Variants in GPR142 observed in about 807,000 individuals in gnomAD.
GPR142 encodes the protein G protein-coupled receptor 142.
A neutral mutation model predicts 10.6 loss-of-function variants in GPR142; 9 were observed. The observed-to-expected ratio is 0.85, with a 90% CI of 0.51 to 1.48. The LOEUF (loss-of-function observed/expected upper bound fraction) is 1.48, where lower values mean the gene tolerates loss of function less well. Ranked by LOEUF, GPR142 falls within the 40% of genes most tolerant of loss-of-function variation. The pLI is 0.00. For missense variants in GPR142, 482 were observed against 506.0 expected (o/e 0.95, Z 0.45); for synonymous variants, 202 against 221.2 (o/e 0.91, Z 0.77).
chr17:74,372,445 G>T lies in GPR142; in HGVS notation c.970G>T (p.Gly324Cys), dbSNP rs149095547. Residue 324 changes from glycine (G) to cysteine (C), a missense_variant, in exon 4 of 4, where the codon GGC becomes TGC. Gly to Cys is a radical substitution (Grantham distance 159). Transcript: ENST00000582579. ...CATGCTCCACACGGCAGCCAACTTCGGCCTCTACTGCTTTGTCAGCAAGAC... is the reference window on the plus strand; with the variant it reads ...CATGCTCCACACGGCAGCCAACTTCTGCCTCTACTGCTTTGTCAGCAAGAC... ...VAMLHTAANF[G>C]LYCFVSKTFR... 88 of 1,613,884 alleles carry T rather than the reference G, an allele frequency of 5.5e-5. No homozygotes were observed. In the African/African-American group the frequency reaches 1.0e-3, roughly 19 times the overall value.
Position 74,367,805 on chromosome 17 carries a change from G to A in GPR142, c.-74+11G>A. On this transcript the variant is annotated intron_variant, in intron 1 of 3. Coordinates refer to ENST00000582579, the MANE Select transcript of GPR142 (RefSeq NM_001331076.1). ...CTATGGGGTGGGATGGTAAGTTGCT[G>A]GAAGGACGTGCATGGGGCATCATTG... is the stretch of plus-strand genomic sequence containing the variant. 6.3e-7 allele frequency: 1 copy of A among 1,585,346 alleles called. No individual in the cohort carries two copies. Among genetic ancestry groups the A allele is most frequent in the Non-Finnish European group, 8.6e-7 (1 of 1,164,922 alleles).
chr17:74,372,515 C>T lies in GPR142; in HGVS notation c.1040C>T (p.Pro347Leu). 6.2e-7 allele frequency: 1 copy of T among 1,613,448 alleles called. No individual in the cohort carries two copies. The highest frequency in any genetic ancestry group is 8.5e-7 in the Non-Finnish European group (1 of 1,180,050). The change falls in exon 4 of 4, where the codon CCC becomes CTC. Residue 347 changes from proline (P) to leucine (L), a missense_variant. Physicochemically the swap from Pro to Leu is moderately conservative, Grantham distance 98. Coordinates refer to ENST00000582579, the MANE Select transcript of GPR142 (RefSeq NM_001331076.1). ...CAGGTCATCCACGATGCCTACCTGCCCTGCACTTTGGCATCACAGCCAGAG... is the reference window on the plus strand; with the variant it reads ...CAGGTCATCCACGATGCCTACCTGCTCTGCACTTTGGCATCACAGCCAGAG... Reference protein sequence around the residue: ...VRQVIHDAYLPCTLASQPEGM... With the variant: ...VRQVIHDAYLLCTLASQPEGM...
intron 3 of GPR142, 76 bp from the exon 4 acceptor site, chr17:74,371,653 G>C: frequency 3.5e-6 from 5 of 1,418,596 alleles, no homozygotes; most frequent in Non-Finnish European, 4.8e-6. Flanking sequence ...GGGGAGGTGC[G>C]ATGGCGACAC....
In GPR142 at chr17:74,369,558, C is replaced by T. The variant is rs549508481; in HGVS notation, c.18C>T (p.Cys6=). The T allele has an allele frequency of 3.0e-5, 47 of 1,553,420 alleles. No homozygotes were observed. In the Middle Eastern group the frequency reaches 8.3e-4, roughly 28 times the overall value. Residue 6 remains cysteine (C), a synonymous_variant, in exon 2 of 4, where the codon TGC becomes TGT. Coordinates refer to ENST00000582579, the MANE Select transcript of GPR142 (RefSeq NM_001331076.1). MLTGS[C]GDPQKKPQVT... is the part of the protein sequence containing the mutation. Reference sequence around the variant, plus strand: ...AGCTGGCGATGCTGACAGGGAGCTGCGGGGACCCTCAGAAAAAGCCACAGG... The same window carrying T: ...AGCTGGCGATGCTGACAGGGAGCTGTGGGGACCCTCAGAAAAAGCCACAGG...
Position 74,370,657 on chromosome 17 carries a change from C to G in GPR142, c.231C>G (p.Val77=). The G allele has an allele frequency of 6.2e-7, 1 of 1,613,422 alleles. No individual in the cohort carries two copies. The part of the protein sequence containing the change: ...AGVIPVIYYS[V]LLGLGLPVSL... ...TCATCCCTGTCATCTACTACAGTGT[C>G]CTGCTGGGCTTGGGGCTGCCTGGTG... Residue 77 remains valine, a synonymous_variant, in exon 3 of 4, where the codon GTC becomes GTG. Transcript: ENST00000582579.
In GPR142 at chr17:74,368,003, T is replaced by G. The variant is rs71375225; in HGVS notation, c.-74+209T>G. 1.3e-5 allele frequency among the ~76,000 whole-genome samples: 2 copies of G among 152,134 alleles called. 1 individual carries two copies. The highest frequency in any genetic ancestry group is 6.3e-3 in the Middle Eastern group (2 of 316). On this transcript the variant is annotated intron_variant, in intron 1 of 3. Transcript: ENST00000582579. ...ATCCCTCAAAGAAACAAAGTGGGCT[T>G]GGCATGGTGACTCACACCTGTAATC...
intron 1 of GPR142, 134 bp from the exon 2 acceptor site, chr17:74,369,334 G>C: frequency 1.4e-6 from 1 of 709,624 alleles, no homozygotes; most frequent in Non-Finnish European, 2.3e-6. Context: ...TGCCCAGCCC[G>C]ACCCCTTCCC....
chr17:74,371,826 C>T lies in GPR142; in HGVS notation c.351C>T (p.Ile117=). 6.2e-7 allele frequency: 1 copy of T among 1,613,780 alleles called. No homozygotes were observed. The highest frequency in any genetic ancestry group is 8.5e-7 in the Non-Finnish European group (1 of 1,180,026). ...TGGCGCTCACAGCCTCGGATATCATCATCCAGGTGGTCATCGTGTTCGCGG... is the reference window on the plus strand; with the variant it reads ...TGGCGCTCACAGCCTCGGATATCATTATCCAGGTGGTCATCGTGTTCGCGG... The part of the protein sequence containing the change: ...YLLALTASDI[I]IQVVIVFAGF... Residue 117 remains isoleucine, a synonymous_variant, in exon 4 of 4, where the codon ATC becomes ATT. Transcript: ENST00000582579.
intron 2 of GPR142, among the ~76,000 whole-genome samples, 184 bp from the exon 3 acceptor site, chr17:74,370,337 G>T (rs1464200660): frequency 6.6e-6 from 1 of 152,140 alleles, no homozygotes; most frequent in Non-Finnish European, 1.5e-5. Context: ...GGGTGACATG[G>T]GGTGGGGGTG....
In GPR142 at chr17:74,369,514, G is replaced by A. The variant is rs200474582; in HGVS notation, c.-27G>A. 37 of 1,559,272 alleles carry A rather than the reference G, an allele frequency of 2.4e-5. No homozygotes were observed. The African/African-American group carries it at 4.6e-4, about 19-fold the overall frequency. ...CCTGGGGCAAACAACCACTTGGAGA[G>A]CCAAGGGGTGAGAGGTACAGCTGGC... On this transcript the variant is annotated 5_prime_UTR_variant, in exon 2 of 4. Coordinates refer to ENST00000582579, the MANE Select transcript of GPR142 (RefSeq NM_001331076.1).
In GPR142 at chr17:74,370,691, G is replaced by C. The variant is rs200488348; in HGVS notation, c.253+12G>C. The C allele has an allele frequency of 1.2e-6, 2 of 1,607,614 alleles. No individual in the cohort carries two copies. Among genetic ancestry groups the C allele is most frequent in the Non-Finnish European group, 1.7e-6 (2 of 1,176,030 alleles). On this transcript the variant is annotated intron_variant, in intron 3 of 3. Transcript: ENST00000582579. Reference sequence around the variant, plus strand: ...CTTGGGGCTGCCTGGTGAGTGGGGAGCTGGGGTCTGGGGACTTGGGCTTGG... The same window carrying C: ...CTTGGGGCTGCCTGGTGAGTGGGGACCTGGGGTCTGGGGACTTGGGCTTGG...
rs776186607 is a variant in GPR142 at position 74,367,737 on chromosome 17, A to C, written c.-131A>C. ...AATAAGGCCATCCAAGGACTCCAGCAGTTTCCGCCAGGTGAATCCAGCTGC... is the reference window on the plus strand; with the variant it reads ...AATAAGGCCATCCAAGGACTCCAGCCGTTTCCGCCAGGTGAATCCAGCTGC... On this transcript the variant is annotated 5_prime_UTR_variant, in exon 1 of 4. Coordinates refer to ENST00000582579, the MANE Select transcript of GPR142 (RefSeq NM_001331076.1). The C allele has an allele frequency of 6.2e-7, 1 of 1,613,942 alleles. No individual in the cohort carries two copies. The highest frequency in any genetic ancestry group is 1.1e-5 in the South Asian group (1 of 91,060).
In GPR142 at chr17:74,370,659, T is replaced by C; in HGVS notation, c.233T>C (p.Leu78Pro). Residue 78 changes from leucine to proline, a missense_variant, in exon 3 of 4, where the codon CTG becomes CCG. Physicochemically the swap from Leu to Pro is moderately conservative, Grantham distance 98 (BLOSUM62 -3). Transcript: ENST00000582579. ...GVIPVIYYSV[L>P]LGLGLPVSLL... is the part of the protein sequence containing the mutation. ...ATCCCTGTCATCTACTACAGTGTCC[T>C]GCTGGGCTTGGGGCTGCCTGGTGAG... 2 of 1,613,252 alleles carry C rather than the reference T, an allele frequency of 1.2e-6. No individual in the cohort carries two copies. Among genetic ancestry groups the C allele is most frequent in the South Asian group, 1.1e-5 (1 of 91,002 alleles).
At position 74,371,905 on chromosome 17, in the gene GPR142, C is replaced by T. The variant is rs370594794; in HGVS notation, c.430C>T (p.Arg144Cys). 71 of 1,612,916 alleles carry T rather than the reference C, an allele frequency of 4.4e-5. No individual in the cohort carries two copies. The highest frequency in any genetic ancestry group is 1.2e-4 in the South Asian group (11 of 91,064). ...CCGCCAGGTGCCCCAGGCTGTGGTG[C>T]GCACGGCCAACATCCTGGAGTTTGC... ...LARQVPQAVV[R>C]TANILEFAAN... The change falls in exon 4 of 4, where the codon CGC becomes TGC. Residue 144 changes from arginine to cysteine, a missense_variant. By Grantham distance (180) the Arg-to-Cys change is radical. Coordinates refer to ENST00000582579, the MANE Select transcript of GPR142 (RefSeq NM_001331076.1).
Position 74,371,987 on chromosome 17 carries a change from C to T in GPR142, c.512C>T (p.Ala171Val). Residue 171 changes from alanine to valine, a missense_variant, in exon 4 of 4, where the codon GCC (alanine) becomes GTC (valine). Transcript: ENST00000582579. ...AILLTVDRYT[A>V]LCHPLHHRAA... ...CTGCTCACGGTTGACCGCTACACTGCCCTGTGCCACCCCCTGCACCATCGG... is the reference window on the plus strand; with the variant it reads ...CTGCTCACGGTTGACCGCTACACTGTCCTGTGCCACCCCCTGCACCATCGG... 9 of 1,612,940 alleles carry T rather than the reference C, an allele frequency of 5.6e-6. No homozygotes were observed. The highest frequency in any genetic ancestry group is 6.8e-6 in the Non-Finnish European group (8 of 1,179,938).
chr17:74,372,349 C>T lies in GPR142; in HGVS notation c.874C>T (p.His292Tyr), dbSNP rs1426438839. 6.2e-7 allele frequency: 1 copy of T among 1,614,092 alleles called. No individual in the cohort carries two copies. Among genetic ancestry groups the T allele is most frequent in the Admixed American group, 1.7e-5 (1 of 60,034 alleles). The change falls in exon 4 of 4, where the codon CAC becomes TAC. Residue 292 changes from histidine (H) to tyrosine (Y), a missense_variant. By Grantham distance (83) the His-to-Tyr change is moderately conservative (BLOSUM62 2). Coordinates refer to ENST00000582579, the MANE Select transcript of GPR142 (RefSeq NM_001331076.1). ...WAPRVFVMLY[H>Y]MYVAPVHRDW... is the part of the protein sequence containing the mutation. ...GCCCCGGGTCTTCGTCATGCTCTAC[C>T]ACATGTACGTGGCCCCTGTCCACCG...
At chr17:74,371,694 A>T (rs2055026271) in intron 3 of GPR142, 35 bp from the exon 4 acceptor site, 1 of 1,567,462 alleles carries the variant, frequency 6.4e-7, no homozygotes, top group Admixed American at 1.7e-5. Flanking sequence ...CTCTCTTCTG[A>T]TGCCTCTCCC....
chr17:74,370,741 T>C, intron 3 of GPR142, 62 bp downstream of exon 3: 1 of 1,504,876 alleles, frequency 6.6e-7, no homozygotes, highest in Non-Finnish European at 9.1e-7. Context: ...CCTCCTTCAA[T>C]GGGTGCCAGT....
chr17:74,370,384 A>C, intron 2 of GPR142, 137 bp from the exon 3 acceptor site: 1 of 776,464 alleles, frequency 1.3e-6, no homozygotes, highest in Non-Finnish European at 1.9e-6. Flanking sequence ...AGCAACAGAC[A>C]GTGCACTCAG....
Sources: allele counts gnomAD v4.1 joint callset (sites outside exome capture counted in the v4.1 genomes callset), GRCh38; gene constraint gnomAD v4.1.1; transcripts MANE v1.5; gene names NCBI Gene and HGNC (gene_info 2026-07-23, HGNC 2026-07-21).